RTL4: variants seen among roughly 807,000 people sequenced by gnomAD.
RTL4 encodes the protein retrotransposon Gag-like protein 4.
In RTL4, 4 loss-of-function variants were observed where a neutral mutation model predicts 5.3. The observed-to-expected ratio is 0.75, with a 90% confidence interval of 0.37 to 1.72. The LOEUF (loss-of-function observed/expected upper bound fraction) is 1.72. RTL4 is among the 40% of genes most tolerant of loss of function. RTL4 has a pLI of 0.04. For missense variants in RTL4, 260 were observed against 227.1 expected (o/e 1.14, Z -0.93); for synonymous variants, 98 against 87.3 (o/e 1.12, Z -0.68).
At chrX:112,225,929 T>C in the RTL4 span, among the ~76,000 whole-genome samples, 4 of 111,851 alleles carry the variant, frequency 3.6e-5, no homozygotes, top group African/African-American at 1.3e-4. Context: ...AAAAAACTTA[T>C]TTGTAGCAGT....
At chrX:112,162,947 A>G in the RTL4 span, among the ~76,000 whole-genome samples, 5 of 112,041 alleles carry the variant, frequency 4.5e-5, no homozygotes, top group South Asian at 3.7e-4. Flanking sequence ...AATTGCCTCA[A>G]TGTTGACGCC....
the RTL4 span, among the ~76,000 whole-genome samples, chrX:112,178,409 G>A: frequency 1.8e-5 from 2 of 111,414 alleles, no homozygotes; most frequent in African/African-American, 6.5e-5. Context: ...GTGGAAAAAT[G>A]AGTGAAATCT....
the RTL4 span, among the ~76,000 whole-genome samples, chrX:112,395,685 G>C: frequency 3.6e-5 from 4 of 111,341 alleles, no homozygotes. Flanking sequence ...TGTCACGCAT[G>C]ACTCTAACAC....
At chrX:112,169,953 A>G in the RTL4 span, among the ~76,000 whole-genome samples, 7 of 112,226 alleles carry the variant, frequency 6.2e-5, no homozygotes, top group African/African-American at 9.7e-5. Context: ...AAAGTGCATG[A>G]TCCAGTTTCA....
the RTL4 span, among the ~76,000 whole-genome samples, chrX:112,104,447 T>A: frequency 9.2e-6 from 1 of 109,025 alleles, no homozygotes; most frequent in African/African-American, 3.4e-5. Context: ...ATGGTAATTT[T>A]ATTTTTTTTT....
At chrX:112,349,128 C>T in the RTL4 span, among the ~76,000 whole-genome samples, 6 of 110,685 alleles carry the variant, frequency 5.4e-5, no homozygotes, top group Admixed American at 9.7e-5. Context: ...TTAAATACTA[C>T]ACTATTTAAA....
the RTL4 span, among the ~76,000 whole-genome samples, chrX:112,178,866 A>G: frequency 8.9e-6 from 1 of 111,849 alleles, no homozygotes; most frequent in East Asian, 2.8e-4. Flanking sequence ...CACGACACAC[A>G]GAGGGAGCAA....
the RTL4 span, among the ~76,000 whole-genome samples, chrX:112,419,434 C>T: frequency 1.2e-5 from 1 of 81,711 alleles, no homozygotes; most frequent in Non-Finnish European, 2.3e-5. Context: ...AATCTCAGCT[C>T]ACTGCAACCT....
At chrX:112,146,559 C>T in the RTL4 span, among the ~76,000 whole-genome samples, 1 of 110,315 alleles carries the variant, frequency 9.1e-6, no homozygotes, top group Non-Finnish European at 1.9e-5. Context: ...ATCTGAAGCC[C>T]GAGCTCTGAG....
the RTL4 span, among the ~76,000 whole-genome samples, chrX:112,301,048 A>G: frequency 1.8e-5 from 2 of 111,380 alleles, no homozygotes; most frequent in South Asian, 7.7e-4. Flanking sequence ...GAGAAGTGGG[A>G]ATTGGGTTCA....
chrX:112,259,573 G>A, the RTL4 span, among the ~76,000 whole-genome samples: 6 of 110,075 alleles, frequency 5.5e-5, no homozygotes, highest in Non-Finnish European at 9.5e-5. Flanking sequence ...CCTAATAAAA[G>A]CACTTCACAC....
chrX:112,324,203 G>T, the RTL4 span, among the ~76,000 whole-genome samples: 3 of 112,292 alleles, frequency 2.7e-5, no homozygotes, highest in Non-Finnish European at 5.6e-5. Context: ...TTCGTATCTG[G>T]CTTCTTTCAC....
At chrX:112,168,035 A>G in the RTL4 span, among the ~76,000 whole-genome samples, 5 of 111,816 alleles carry the variant, frequency 4.5e-5, no homozygotes, top group African/African-American at 1.6e-4. Flanking sequence ...TGACACAAAT[A>G]TTGCAGCAAA....
chrX:112,439,912 G>A, the RTL4 span, among the ~76,000 whole-genome samples: 1 of 111,507 alleles, frequency 9.0e-6, no homozygotes, highest in Admixed American at 9.6e-5. Flanking sequence ...GCAGAACCAT[G>A]AGCCAAATAA....
At chrX:112,272,604 A>G in the RTL4 span, among the ~76,000 whole-genome samples, 24 of 112,160 alleles carry the variant, frequency 2.1e-4, no homozygotes, top group African/African-American at 7.8e-4. Context: ...AGGGCTTTTG[A>G]GTAGAAGAAT....
chrX:112,261,699 G>C, the RTL4 span, among the ~76,000 whole-genome samples: 36 of 111,657 alleles, frequency 3.2e-4, no homozygotes, highest in Non-Finnish European at 4.5e-4. Context: ...CTACTTTAAA[G>C]TTCATATGGA....
At chrX:112,366,106 A>G in the RTL4 span, among the ~76,000 whole-genome samples, 1 of 111,346 alleles carries the variant, frequency 9.0e-6, no homozygotes, top group Non-Finnish European at 1.9e-5. Flanking sequence ...CGTTAATATC[A>G]GTAAGTTATG....
chrX:112,398,466 C>T, the RTL4 span, among the ~76,000 whole-genome samples: 1 of 89,970 alleles, frequency 1.1e-5, no homozygotes, highest in Non-Finnish European at 2.1e-5. Flanking sequence ...GTGGTGTGAT[C>T]TCAGCTCACT....
chrX:112,202,343 G>C, the RTL4 span, among the ~76,000 whole-genome samples: 1 of 110,020 alleles, frequency 9.1e-6, no homozygotes, highest in Non-Finnish European at 1.9e-5. Flanking sequence ...CCATTTTGCA[G>C]ACATAACATG....
Sources: allele counts gnomAD v4.1 joint callset (sites outside exome capture counted in the v4.1 genomes callset), GRCh38; gene constraint gnomAD v4.1.1; transcripts MANE v1.5; gene names NCBI Gene and HGNC (gene_info 2026-07-23, HGNC 2026-07-21).